Variants in USP33 observed in about 807,000 individuals in gnomAD.
USP33 encodes the protein ubiquitin specific peptidase 33, also known as ubiquitin carboxyl-terminal hydrolase 33.
Under a neutral mutation model 124.2 loss-of-function variants are expected in USP33, and 46 were observed. The ratio of observed to expected loss-of-function variants is 0.37; its 90% CI spans 0.29 to 0.47. The LOEUF (loss-of-function observed/expected upper bound fraction) is 0.47. USP33 is among the 20% of genes least tolerant of loss of function. The probability of loss-of-function intolerance (pLI) is 0.99; values close to 1 mark genes in which losing one functional copy is unlikely to be tolerated. For missense variants in USP33, 851 were observed against 1,070.6 expected (o/e 0.79, Z 2.86); for synonymous variants, 350 against 352.3 (o/e 0.99, Z 0.07).
intron 11 of USP33, 139 bp from the exon 12 acceptor site, chr1:77,723,582 T>C: frequency 1.7e-6 from 1 of 603,624 alleles, no homozygotes; most frequent in Non-Finnish European, 2.9e-6. Flanking sequence ...GTTGAAAATT[T>C]TCAAAATACT....
chr1:77,748,995 C>A (rs1202120159), intron 1 of USP33, among the ~76,000 whole-genome samples: 17 of 152,062 alleles, frequency 1.1e-4, no homozygotes, highest in Admixed American at 1.1e-3. Context: ...ATCATTTTTT[C>A]AAACCTTTCA....
At chr1:77,743,344 G>A (rs1477072934) in intron 1 of USP33, among the ~76,000 whole-genome samples, 1 of 152,106 alleles carries the variant, frequency 6.6e-6, no homozygotes, top group East Asian at 1.9e-4. Context: ...GGGTACATGT[G>A]CACAATGTGC....
At chr1:77,727,553 A>T (rs757470099) in intron 10 of USP33, among the ~76,000 whole-genome samples, 1 of 152,242 alleles carries the variant, frequency 6.6e-6, no homozygotes, top group African/African-American at 2.4e-5. Flanking sequence ...ATAGTTAATA[A>T]TATTTTCAAG....
intron 6 of USP33, 129 bp from the exon 7 acceptor site, chr1:77,734,545 C>A: frequency 1.7e-6 from 1 of 588,812 alleles, no homozygotes; most frequent in Non-Finnish European, 2.9e-6. Flanking sequence ...TTGAACAATT[C>A]AGAGAGGTCA....
At chr1:77,754,511 G>A (rs1388733952) in intron 1 of USP33, among the ~76,000 whole-genome samples, 1 of 152,166 alleles carries the variant, frequency 6.6e-6, no homozygotes, top group East Asian at 1.9e-4. Flanking sequence ...AAAGAAATCA[G>A]CTGACAAGCA....
At position 77,723,536 on chromosome 1, in the gene USP33, T is replaced by G. The variant is rs182215782; in HGVS notation, c.1277-93A>C. The G allele has an allele frequency of 1.5e-4, 122 of 790,494 alleles. No individual in the cohort carries two copies. In the African/African-American group the frequency reaches 2.0e-3, roughly 13 times the overall value. The allele number at this position is 790,494 out of a possible 1,614,324, so 49.0% of individuals were successfully genotyped here. A position where few individuals can be genotyped will look rare whatever the true frequency, so the allele number is the denominator to read the frequency against. ...TTGTCTTGTCAATCTTACTTGTATATGATCTCTAGAATCCTTAAACTGTAA... is the reference window on the plus strand; with the variant it reads ...TTGTCTTGTCAATCTTACTTGTATAGGATCTCTAGAATCCTTAAACTGTAA... On this transcript the variant is annotated intron_variant, in intron 11 of 23. Coordinates refer to ENST00000370794, the MANE Select transcript of USP33 (RefSeq NM_201624.3).
intron 20 of USP33, among the ~76,000 whole-genome samples, 190 bp from the exon 21 acceptor site, chr1:77,712,045 C>T (rs530754584): frequency 6.6e-6 from 1 of 152,252 alleles, no homozygotes; most frequent in African/African-American, 2.4e-5. Flanking sequence ...TATTGCTTAA[C>T]CTGCTTTATC....
At chr1:77,716,914 G>A (rs1301318930) in intron 17 of USP33, among the ~76,000 whole-genome samples, 1 of 147,840 alleles carries the variant, frequency 6.8e-6, no homozygotes, top group African/African-American at 2.5e-5. Flanking sequence ...TGCCCAGGCT[G>A]GAGTGCAATG....
At chr1:77,734,144 A>G (rs1678154855) in intron 7 of USP33, among the ~76,000 whole-genome samples, 1 of 152,212 alleles carries the variant, frequency 6.6e-6, no homozygotes, top group Admixed American at 6.5e-5. Context: ...ACAACTACCC[A>G]GGGTTTACAC....
intron 21 of USP33, among the ~76,000 whole-genome samples, chr1:77,706,572 C>T (rs1041647338): frequency 6.6e-6 from 1 of 152,210 alleles, no homozygotes; most frequent in Non-Finnish European, 1.5e-5. Context: ...TAATATCCTA[C>T]ATTGGCTCTG....
chr1:77,721,710 A>G, intron 14 of USP33, 121 bp downstream of exon 14: 4 of 824,964 alleles, frequency 4.8e-6, no homozygotes, highest in Non-Finnish European at 7.6e-6. Flanking sequence ...GAATGCCAAT[A>G]TGTGAATGTA....
At chr1:77,747,240 C>CTTTT (rs752560478) in intron 1 of USP33, among the ~76,000 whole-genome samples, 6 of 103,848 alleles carry the variant, frequency 5.8e-5, no homozygotes, top group Non-Finnish European at 1.0e-4. Flanking sequence ...GGCTTCTGGG[C>CTTTT]TTTTTTTTTT....
intron 12 of USP33, among the ~76,000 whole-genome samples, chr1:77,722,858 T>C (rs1676728639): frequency 6.6e-6 from 1 of 152,380 alleles, no homozygotes; most frequent in Middle Eastern, 3.4e-3. Flanking sequence ...TTTTAATGTA[T>C]GCTTTGTTAT....
At position 77,701,483 on chromosome 1, in the gene USP33, A is replaced by T; in HGVS notation, c.2407-12T>A. On this transcript the variant is annotated splice_polypyrimidine_tract_variant and intron_variant, in intron 21 of 23. Transcript: ENST00000370794. Reference sequence around the variant, plus strand: ...AACGCTCTGTTAAGCTACAAGGGGGAAAAAAAACAGTCATCTAATATCTAA... The same window carrying T: ...AACGCTCTGTTAAGCTACAAGGGGGTAAAAAAACAGTCATCTAATATCTAA... 1 of 1,587,056 alleles carries T rather than the reference A, an allele frequency of 6.3e-7. No homozygotes were observed. Among genetic ancestry groups the T allele is most frequent in the South Asian group, 1.1e-5 (1 of 88,832 alleles).
intron 21 of USP33, among the ~76,000 whole-genome samples, chr1:77,710,936 A>G (rs1319856322): frequency 1.5e-4 from 23 of 152,126 alleles, no homozygotes; most frequent in Admixed American, 1.5e-3. Context: ...GTCCTTGCCC[A>G]TAAAACCTGG....
At chr1:77,740,195 G>T (rs1678958661) in intron 4 of USP33, among the ~76,000 whole-genome samples, 1 of 152,188 alleles carries the variant, frequency 6.6e-6, no homozygotes. Flanking sequence ...AAAGCAGAAA[G>T]GTGAGTCCAG....
chr1:77,725,972 C>G (rs1283873844), intron 10 of USP33, among the ~76,000 whole-genome samples: 1 of 152,136 alleles, frequency 6.6e-6, no homozygotes, highest in East Asian at 1.9e-4. Context: ...TTTTTTGAGA[C>G]AGAGTCTCCC....
intron 15 of USP33, among the ~76,000 whole-genome samples, chr1:77,719,884 G>T (rs559525325): frequency 1.4e-5 from 2 of 146,184 alleles, no homozygotes; most frequent in African/African-American, 5.1e-5. Flanking sequence ...AGTCTTGGCC[G>T]GACACAGTGG....
chr1:77,723,279 T>A (rs2101400708), intron 12 of USP33, 52 bp downstream of exon 12: 3 of 1,329,096 alleles, frequency 2.3e-6, no homozygotes, highest in Non-Finnish European at 3.2e-6. Flanking sequence ...GTCACATTTT[T>A]AAAAATCATT....
Sources: gnomAD v4.1 joint callset for allele counts (sites outside exome capture counted in the v4.1 genomes callset) on GRCh38, gnomAD v4.1.1 for gene constraint, MANE v1.5 for transcripts, NCBI Gene and HGNC (gene_info 2026-07-23, HGNC 2026-07-21) for gene names.